C2CD2: variants seen among roughly 807,000 people sequenced by gnomAD.
The protein encoded by C2CD2 is C2 domain-containing protein 2.
C2CD2 carries 43 observed loss-of-function variants against 74.3 expected under a neutral mutation model. That is an observed-to-expected ratio of 0.58 (90% CI 0.45 to 0.75). C2CD2 has a LOEUF of 0.75. Among genes scored for constraint, C2CD2 ranks in the 30% least tolerant of loss-of-function variants. C2CD2 has a pLI of 0.00. For synonymous variants in C2CD2, 422 were observed against 390.7 expected (o/e 1.08, Z -0.94); for missense variants, 801 against 916.3 (o/e 0.87, Z 1.63).
chr21:41,900,561 A>T (rs935435852), intron 12 of C2CD2, among the ~76,000 whole-genome samples: 3 of 150,966 alleles, frequency 2.0e-5, no homozygotes, highest in Non-Finnish European at 4.4e-5. Flanking sequence ...CCAAAACACC[A>T]CCCGCCTGCC....
rs1251359453 is a variant in C2CD2 at position 41,895,284 on chromosome 21, TG to T, written c.1870+3768del. ...GTCAGTTCCTTAAATATGTAACCTATGGGTTCTGCTTCTCTGGAGGACTGTG... is the reference window on the plus strand; with the variant it reads ...GTCAGTTCCTTAAATATGTAACCTATGGTTCTGCTTCTCTGGAGGACTGTG... On this transcript the variant is annotated intron_variant, in intron 13 of 13. Coordinates refer to ENST00000380486, the MANE Select transcript of C2CD2 (RefSeq NM_015500.2). This position sits in a 1 kb window ranked among gnomAD's most constrained non-coding sequence, Gnocchi z 5.0. Among the ~76,000 whole-genome samples the T allele has an allele frequency of 3.9e-5, 6 of 152,158 alleles. No individual in the cohort carries two copies. The highest frequency in any genetic ancestry group is 7.3e-5 in the Non-Finnish European group (5 of 68,040).
At chr21:41,936,253 C>G (rs1403226222) in intron 2 of C2CD2, among the ~76,000 whole-genome samples, 1 of 152,092 alleles carries the variant, frequency 6.6e-6, no homozygotes, top group Non-Finnish European at 1.5e-5. Context: ...AACTCAACAG[C>G]AGGAAAACAA....
At chr21:41,889,735 C>G (rs1054920221) in intron 13 of C2CD2, among the ~76,000 whole-genome samples, 61 of 151,846 alleles carry the variant, frequency 4.0e-4, no homozygotes, top group African/African-American at 1.4e-3. Context: ...CAGGTTCAAG[C>G]GATTCTCCTG....
chr21:41,919,738 G>A (rs886332195), intron 3 of C2CD2, among the ~76,000 whole-genome samples: 1 of 152,160 alleles, frequency 6.6e-6, no homozygotes, highest in Non-Finnish European at 1.5e-5. Context: ...CATCTCTAAG[G>A]ATGCCTCATC....
At position 41,929,018 on chromosome 21, in the gene C2CD2, G is replaced by T. The variant is rs190639643; in HGVS notation, c.379-6933C>A. Among the ~76,000 whole-genome samples the T allele has an allele frequency of 2.0e-5, 3 of 151,736 alleles. No homozygotes were observed. Among genetic ancestry groups the T allele is most frequent in the African/African-American group, 7.3e-5 (3 of 41,356 alleles). On this transcript the variant is annotated intron_variant, in intron 2 of 13. Transcript: ENST00000380486. This position sits in a 1 kb window ranked among gnomAD's most constrained non-coding sequence, Gnocchi z 4.6. ...TAATCTCAGCACTTTGGGAGGCCAA[G>T]GCAAGAGGATCACTTGAGTCCATGA...
chr21:41,917,550 G>T (rs577172264), intron 5 of C2CD2, among the ~76,000 whole-genome samples: 3 of 152,306 alleles, frequency 2.0e-5, no homozygotes, highest in African/African-American at 7.2e-5. Context: ...CTCTGGTTAA[G>T]AATTTAACCA....
At chr21:41,928,590 G>C (rs2065236795) in intron 2 of C2CD2, among the ~76,000 whole-genome samples, 1 of 140,242 alleles carries the variant, frequency 7.1e-6, no homozygotes, top group African/African-American at 2.7e-5. Flanking sequence ...CGAGCTTCCT[G>C]TTTACAGTTA....
In C2CD2 at chr21:41,904,224, T is replaced by C. The variant is rs1223484111; in HGVS notation, c.1432+1500A>G. On this transcript the variant is annotated intron_variant, in intron 11 of 13. Transcript: ENST00000380486. ...AACGCATTAGCATGCTAAAAGACACTCCCACCAGCACCATGACAGTTTGCA... is the reference window on the plus strand; with the variant it reads ...AACGCATTAGCATGCTAAAAGACACCCCCACCAGCACCATGACAGTTTGCA... 5.3e-5 allele frequency among the ~76,000 whole-genome samples: 8 copies of C among 152,044 alleles called. 1 individual carries two copies. Among genetic ancestry groups the C allele is most frequent in the Admixed American group, 5.2e-4 (8 of 15,262 alleles).
At chr21:41,890,368 T>G (rs1363430820) in intron 13 of C2CD2, among the ~76,000 whole-genome samples, 1 of 152,254 alleles carries the variant, frequency 6.6e-6, no homozygotes, top group East Asian at 1.9e-4. Flanking sequence ...GAATACGGAA[T>G]AGAAAAAAAT....
intron 6 of C2CD2, 56 bp from the exon 7 acceptor site, chr21:41,912,496 T>TATTTATTTA: frequency 4.8e-6 from 4 of 841,524 alleles, no homozygotes; most frequent in South Asian, 5.7e-5. Flanking sequence ...TTTATTTATT[T>TATTTATTTA]TTTTTTTTTT....
intron 1 of C2CD2, among the ~76,000 whole-genome samples, chr21:41,949,622 C>T (rs2065433506): frequency 6.6e-6 from 1 of 152,194 alleles, no homozygotes; most frequent in Admixed American, 6.5e-5. Flanking sequence ...CCATTTGACC[C>T]AGCGATCCCA....
In C2CD2 at chr21:41,947,139, T is replaced by TCTCTCTCTCTCTCTCTCTCTCC. The variant is rs1365076208; in HGVS notation, c.280-4895_280-4894insGGAGAGAGAGAGAGAGAGAGAG. 3.3e-3 allele frequency among the ~76,000 whole-genome samples: 404 copies of TCTCTCTCTCTCTCTCTCTCTCC among 122,320 alleles called. 26 individuals carry two copies. Among genetic ancestry groups the TCTCTCTCTCTCTCTCTCTCTCC allele is most frequent in the South Asian group, 5.4e-3 (17 of 3,156 alleles). 80.2% of individuals were successfully genotyped at this position (122,320 alleles called of 152,430 possible). On this transcript the variant is annotated intron_variant, in intron 1 of 13. Coordinates refer to ENST00000380486, the MANE Select transcript of C2CD2 (RefSeq NM_015500.2). ...CTCTCTCTCTCTCTCTCTCTCTCTCTCCCTCCCTCCCTCCCTCCCTCTCTC... is the reference window on the plus strand; with the variant it reads ...CTCTCTCTCTCTCTCTCTCTCTCTCTCTCTCTCTCTCTCTCTCTCTCCCCCTCCCTCCCTCCCTCCCTCTCTC...
intron 1 of C2CD2, among the ~76,000 whole-genome samples, chr21:41,948,013 T>C (rs1569084768): frequency 6.6e-6 from 1 of 152,218 alleles, no homozygotes; most frequent in East Asian, 1.9e-4. Context: ...CCCTGTCTTG[T>C]TGGGAGAATG....
Position 41,942,057 on chromosome 21 carries a change from C to T in C2CD2, c.378+90G>A. On this transcript the variant is annotated intron_variant, in intron 2 of 13. Coordinates refer to ENST00000380486, the MANE Select transcript of C2CD2 (RefSeq NM_015500.2). The stretch of plus-strand genomic sequence containing the variant: ...TGATTTTTTTCCTAGTGTAAGGGTT[C>T]CGCATTTTCAATGATTCTAAACAAA... 2.7e-6 allele frequency: 4 copies of T among 1,486,936 alleles called. No individual in the cohort carries two copies. In the East Asian group the frequency reaches 7.5e-5, roughly 28 times the overall value. The allele number at this position is 1,486,936 out of a possible 1,614,324, so 92.1% of individuals were successfully genotyped here.
rs747731626 is a variant in C2CD2 at position 41,918,236 on chromosome 21, AGAG to A, written c.598-12_598-10del. On this transcript the variant is annotated splice_polypyrimidine_tract_variant and intron_variant, in intron 4 of 13. Coordinates refer to ENST00000380486, the MANE Select transcript of C2CD2 (RefSeq NM_015500.2). ...GTCTCAGCCACCTGGTCCTGGTGAA[AGAG>A]GAGAAAGTTGACAAATCGCCTTTGC... The A allele has an allele frequency of 3.7e-6, 6 of 1,613,828 alleles. No individual in the cohort carries two copies. Among genetic ancestry groups the A allele is most frequent in the Non-Finnish European group, 4.2e-6 (5 of 1,179,914 alleles).
At chr21:41,927,505 C>T (rs917190808) in intron 2 of C2CD2, among the ~76,000 whole-genome samples, 6 of 152,168 alleles carry the variant, frequency 3.9e-5, no homozygotes, top group Admixed American at 2.0e-4. Flanking sequence ...GAGTCTCACT[C>T]TGTTGCCCAG....
At chr21:41,894,914 C>A (rs906234388) in intron 13 of C2CD2, 4 of 456,632 alleles carry the variant, frequency 8.8e-6, no homozygotes, top group Non-Finnish European at 1.8e-5. Context: ...TGGGCAGTAA[C>A]CCCATATGGA....
chr21:41,905,899 G>A lies in C2CD2; in HGVS notation c.1319-62C>T, dbSNP rs116110013. On this transcript the variant is annotated intron_variant, in intron 10 of 13. Transcript: ENST00000380486. The stretch of plus-strand genomic sequence containing the variant: ...GTGGCTGACTGGATCAACAGTTACC[G>A]AAAAGTGAAAGGACAGCCCTCACTG... 875 of 909,094 alleles carry A rather than the reference G, an allele frequency of 9.6e-4. 7 individuals are homozygous for A. The African/African-American group carries it at 0.012, about 13-fold the overall frequency. The allele number at this position is 909,094 out of a possible 1,614,324, so 56.3% of individuals were successfully genotyped here. A position where few individuals can be genotyped will look rare whatever the true frequency, so the allele number is the denominator to read the frequency against.
In C2CD2 at chr21:41,888,966, C is replaced by G. The variant is rs981715539; in HGVS notation, c.*158G>C. On this transcript the variant is annotated 3_prime_UTR_variant, in exon 14 of 14. Transcript: ENST00000380486. ...CTGGGAGAAGCCTCCTGGCTGGAGA[C>G]TCAGATTTTGTTTTCCCTTTAAATG... 22 of 641,890 alleles carry G rather than the reference C, an allele frequency of 3.4e-5. No homozygotes were observed. The African/African-American group carries it at 4.0e-4, about 12-fold the overall frequency. The allele number at this position is 641,890 out of a possible 1,614,324, so 39.8% of individuals were successfully genotyped here.
Sources: allele counts gnomAD v4.1 joint callset (sites outside exome capture counted in the v4.1 genomes callset), GRCh38; gene constraint gnomAD v4.1.1; non-coding constraint Gnocchi (gnomAD v3.1); transcripts MANE v1.5; gene names NCBI Gene and HGNC (gene_info 2026-07-23, HGNC 2026-07-21).